Variants in UFL1 observed in about 807,000 individuals in gnomAD.
The protein encoded by UFL1 is UFM1 specific ligase 1, also known as E3 UFM1-protein ligase 1.
A neutral mutation model predicts 99.3 loss-of-function variants in UFL1; 78 were observed. The observed-to-expected ratio is 0.79, with a 90% confidence interval of 0.65 to 0.95. UFL1 has a LOEUF of 0.95. Ranked by LOEUF, UFL1 falls within the 40% of genes least tolerant of loss-of-function variation. The probability of loss-of-function intolerance (pLI) is 0.00; values close to 1 mark genes in which losing one functional copy is unlikely to be tolerated. For synonymous variants in UFL1, 335 were observed against 322.2 expected (o/e 1.04, Z -0.42); for missense variants, 936 against 937.0 (o/e 1.00, Z 0.01).
In UFL1 at chr6:96,537,479, A is replaced by C. The variant is rs758022255; in HGVS notation, c.908A>C (p.Gln303Pro). The stretch of plus-strand genomic sequence containing the variant: ...TTTTTGAAAGCAGCTTGTGTTGGTC[A>C]AGGACTTGTGGATCAAGTGGAAGCA... ...LLFLKAACVG[Q>P]GLVDQVEASV... The change falls in exon 9 of 19, where the codon CAA becomes CCA. Residue 303 changes from glutamine (Q) to proline (P), a missense_variant. Transcript: ENST00000369278. The C allele has an allele frequency of 1.9e-6, 3 of 1,610,538 alleles. No individual in the cohort carries two copies. The highest frequency in any genetic ancestry group is 3.4e-5 in the Admixed American group (2 of 59,606).
intron 7 of UFL1, among the ~76,000 whole-genome samples, chr6:96,535,574 C>A (rs1301368281): frequency 6.6e-6 from 1 of 151,950 alleles, no homozygotes; most frequent in African/African-American, 2.4e-5. Flanking sequence ...TTATTATCCC[C>A]ATTTCACAGA....
chr6:96,544,674 C>A (rs1344527451), intron 12 of UFL1, among the ~76,000 whole-genome samples: 1 of 151,088 alleles, frequency 6.6e-6, no homozygotes, highest in East Asian at 1.9e-4. Flanking sequence ...CTAGCTTTAT[C>A]CTTATTTCAA....
intron 9 of UFL1, 141 bp from the exon 10 acceptor site, chr6:96,538,490 G>T: frequency 2.9e-6 from 2 of 679,882 alleles, no homozygotes; most frequent in Non-Finnish European, 4.7e-6. Flanking sequence ...AATATAATTT[G>T]GAGGTTATCG....
chr6:96,533,730 C>T (rs543183603), intron 6 of UFL1, among the ~76,000 whole-genome samples: 1 of 143,894 alleles, frequency 6.9e-6, no homozygotes, highest in South Asian at 2.2e-4. Context: ...TAAATTATAC[C>T]TTATTGCAAT....
chr6:96,550,842 C>A (rs1418752590), intron 15 of UFL1, among the ~76,000 whole-genome samples: 1 of 152,002 alleles, frequency 6.6e-6, no homozygotes, highest in Non-Finnish European at 1.5e-5. Flanking sequence ...GAGCAACTAG[C>A]CCTTAATCTT....
rs768041209 is a variant in UFL1, at chr6:96,536,252, G to A, written c.664G>A (p.Glu222Lys). 3 of 1,608,598 alleles carry A rather than the reference G, an allele frequency of 1.9e-6. No individual in the cohort carries two copies. The highest frequency in any genetic ancestry group is 2.6e-6 in the Non-Finnish European group (3 of 1,176,230). Residue 222 changes from glutamate (E) to lysine (K), a missense_variant, in exon 8 of 19, where the codon GAG becomes AAG. By Grantham distance (56) the Glu-to-Lys change is moderately conservative (BLOSUM62 1). Coordinates refer to ENST00000369278, the MANE Select transcript of UFL1 (RefSeq NM_015323.5). Reference sequence around the variant, plus strand: ...TGTGGGTTTGTTTTAAGCTGTGCTTGAGGAACTTGTTAATAGCGGACGCTT... The same window carrying A: ...TGTGGGTTTGTTTTAAGCTGTGCTTAAGGAACTTGTTAATAGCGGACGCTT... ...FQEQLLYSVL[E>K]ELVNSGRLRG...
At chr6:96,548,355 T>C in intron 13 of UFL1, 74 bp downstream of exon 13, 1 of 949,990 alleles carries the variant, frequency 1.1e-6, no homozygotes, top group Non-Finnish European at 1.5e-6. Flanking sequence ...TTTTCCAAGA[T>C]CATAGAAAGC....
intron 7 of UFL1, 63 bp downstream of exon 7, chr6:96,534,384 TACTA>T (rs1416315049): frequency 2.4e-6 from 3 of 1,232,208 alleles, no homozygotes; most frequent in Non-Finnish European, 3.3e-6. Context: ...ATGTAAAACT[TACTA>T]ACTTTAATGT....
intron 6 of UFL1, 74 bp downstream of exon 6, chr6:96,528,706 A>T (rs1582437909): frequency 6.8e-7 from 1 of 1,467,558 alleles, no homozygotes; most frequent in Non-Finnish European, 9.1e-7. Context: ...TAGCAGCGGA[A>T]TCTTTTTCTT....
chr6:96,551,328 G>A, intron 15 of UFL1, 105 bp from the exon 16 acceptor site: 3 of 649,496 alleles, frequency 4.6e-6, no homozygotes, highest in Non-Finnish European at 8.0e-6. Context: ...TCAAGAATAT[G>A]GTAAATTCCA....
Position 96,546,389 on chromosome 6 carries a change from AC to A in UFL1, c.1403-1771del, listed in dbSNP as rs1163936588. Among the ~76,000 whole-genome samples the A allele has an allele frequency of 2.6e-5, 4 of 151,294 alleles. No individual in the cohort carries two copies. The Admixed American group carries it at 2.7e-4, about 10-fold the overall frequency. On this transcript the variant is annotated intron_variant, in intron 12 of 18. Transcript: ENST00000369278. ...AGATGACACAAACAAATAGAAAGAC[AC>A]CCCAGGCTCATGGATTAGAAGAATC...
intron 6 of UFL1, among the ~76,000 whole-genome samples, chr6:96,532,005 AAAAGTTTAT>A (rs1163145124): frequency 2.0e-5 from 3 of 152,196 alleles, no homozygotes; most frequent in African/African-American, 7.2e-5. Context: ...CTGACTTTTA[AAAAGTTTAT>A]ATTTTTTGTT....
chr6:96,532,457 T>C (rs1042537131), intron 6 of UFL1, among the ~76,000 whole-genome samples: 1 of 152,200 alleles, frequency 6.6e-6, no homozygotes, highest in Non-Finnish European at 1.5e-5. Context: ...TGATCACCAA[T>C]GTGGCAGTAT....
At chr6:96,550,249 C>T (rs1770059042) in intron 15 of UFL1, among the ~76,000 whole-genome samples, 1 of 151,856 alleles carries the variant, frequency 6.6e-6, no homozygotes, top group Admixed American at 6.6e-5. Context: ...GAGAATGGCT[C>T]CCAGTTGCCT....
chr6:96,526,959 A>G (rs146516128), intron 5 of UFL1, among the ~76,000 whole-genome samples: 39 of 152,324 alleles, frequency 2.6e-4, no homozygotes, highest in African/African-American at 8.9e-4. Flanking sequence ...AGTAATGCCA[A>G]CATCTTTTGA....
Position 96,521,936 on chromosome 6 carries a change from C to G in UFL1, c.63C>G (p.Ala21=), listed in dbSNP as rs1769617211. Residue 21 remains alanine (A), a synonymous_variant, in exon 1 of 19, where the codon GCC becomes GCG. Coordinates refer to ENST00000369278, the MANE Select transcript of UFL1 (RefSeq NM_015323.5). ...CCGACTTCCAGCGGGCGCAGTTCGC[C>G]GAGGCCACGCAGAGGTGCCCGACCC... ...LAADFQRAQF[A]EATQRLSERN... The G allele has an allele frequency of 1.2e-6, 2 of 1,612,284 alleles. No homozygotes were observed.
In UFL1 at chr6:96,526,331, G is replaced by T. The variant is rs1769701548; in HGVS notation, c.361G>T (p.Asp121Tyr). 6.2e-7 allele frequency: 1 copy of T among 1,612,286 alleles called. No homozygotes were observed. Among genetic ancestry groups the T allele is most frequent in the Non-Finnish European group, 8.5e-7 (1 of 1,179,182 alleles). ...TGTTTTCACTATTAGGAATTATTTG[G>T]ATCGGTTGGCAGAAGAGGTCAATGA... The part of the protein sequence containing the change: ...LGQLIDENYL[D>Y]RLAEEVNDKL... Residue 121 changes from aspartate to tyrosine, a missense_variant, in exon 5 of 19, where the codon GAT becomes TAT. Transcript: ENST00000369278.
At chr6:96,536,479 T>C (rs937369747) in intron 8 of UFL1, 89 bp downstream of exon 8, 1 of 929,768 alleles carries the variant, frequency 1.1e-6, no homozygotes. Context: ...GAGTCCTCCT[T>C]TGATCTGTGG....
chr6:96,539,217 CACAG>C (rs1328212910), intron 10 of UFL1, among the ~76,000 whole-genome samples: 4 of 151,562 alleles, frequency 2.6e-5, no homozygotes, highest in African/African-American at 7.3e-5. Flanking sequence ...ATTTGGCATA[CACAG>C]ACAGGGTAAA....
Sources: gnomAD v4.1 joint callset for allele counts (sites outside exome capture counted in the v4.1 genomes callset) on GRCh38, gnomAD v4.1.1 for gene constraint, MANE v1.5 for transcripts, NCBI Gene and HGNC (gene_info 2026-07-23, HGNC 2026-07-21) for gene names.